EIF4E3: variants seen among roughly 807,000 people sequenced by gnomAD.
The protein encoded by EIF4E3 is eukaryotic translation initiation factor 4E type 3.
Under a neutral mutation model 31.7 loss-of-function variants are expected in EIF4E3, and 26 were observed. That is an observed-to-expected ratio of 0.82 (90% CI 0.60 to 1.14). The LOEUF (loss-of-function observed/expected upper bound fraction) is 1.14, where lower values mean the gene tolerates loss of function less well. Ranked by LOEUF, EIF4E3 falls within the 50% of genes most tolerant of loss-of-function variation. The pLI is 0.00. For missense variants in EIF4E3, 304 were observed against 270.9 expected, an observed-to-expected ratio of 1.12 and a Z score of -0.86; for synonymous variants, 128 against 107.7, an observed-to-expected ratio of 1.19 and a Z score of -1.17.
chr3:71,698,690 T>A (rs1295386667), intron 3 of EIF4E3, among the ~76,000 whole-genome samples: 1 of 152,198 alleles, frequency 6.6e-6, no homozygotes, highest in African/African-American at 2.4e-5. Flanking sequence ...ACCTGGGATT[T>A]TATCTGGGCT....
chr3:71,695,752 G>A (rs2049127436), intron 4 of EIF4E3, among the ~76,000 whole-genome samples: 1 of 152,176 alleles, frequency 6.6e-6, no homozygotes. Flanking sequence ...AAGAAACCAT[G>A]AAAAGGTAAA....
Position 71,684,456 on chromosome 3 carries a change from T to G in EIF4E3, c.*226A>C, listed in dbSNP as rs997475433. 1 of 391,818 alleles carries G rather than the reference T, an allele frequency of 2.6e-6. No individual in the cohort carries two copies. 24.3% of individuals were successfully genotyped at this position (391,818 alleles called of 1,614,324 possible). On this transcript the variant is annotated 3_prime_UTR_variant, in exon 7 of 7. Transcript: ENST00000425534. ...TTTAGAAAGCCAAAAAAAAAGTTTT[T>G]TGTGTGTGTTTTTTTTAAAAAGCAA... is the stretch of plus-strand genomic sequence containing the variant.
chr3:71,714,508 C>CT (rs2049436194), intron 1 of EIF4E3, among the ~76,000 whole-genome samples: 1 of 152,112 alleles, frequency 6.6e-6, no homozygotes, highest in Non-Finnish European at 1.5e-5. Flanking sequence ...GTCGGAAGTA[C>CT]TGATGGTAGT....
At chr3:71,701,457 A>G (rs1028862191) in intron 2 of EIF4E3, among the ~76,000 whole-genome samples, 4 of 152,170 alleles carry the variant, frequency 2.6e-5, no homozygotes, top group Non-Finnish European at 4.4e-5. Context: ...AGAAGAAAAC[A>G]CTTCCCCATT....
At position 71,686,250 on chromosome 3, in the gene EIF4E3, A is replaced by G. The variant is rs372701588; in HGVS notation, c.629-1522T>C. 1.1e-4 allele frequency among the ~76,000 whole-genome samples: 16 copies of G among 152,202 alleles called. No individual in the cohort carries two copies. In the South Asian group the frequency reaches 2.9e-3, roughly 28 times the overall value. ...AGCGATCCACCGGCCTCAGACTCCC[A>G]AAGTGCTGGGATTACAGGCATGAAC... On this transcript the variant is annotated intron_variant, in intron 6 of 6. Transcript: ENST00000425534.
intron 1 of EIF4E3, among the ~76,000 whole-genome samples, chr3:71,750,336 T>C (rs938088801): frequency 6.6e-6 from 1 of 152,138 alleles, no homozygotes; most frequent in Non-Finnish European, 1.5e-5. Context: ...ATGTGCTCAT[T>C]AGAATAAAAA....
the EIF4E3 span, among the ~76,000 whole-genome samples, chr3:71,669,771 G>A: frequency 6.6e-6 from 1 of 151,842 alleles, no homozygotes; most frequent in East Asian, 1.9e-4. Context: ...GTCTCCACAT[G>A]GGCAGAGAGA....
intron 1 of EIF4E3, among the ~76,000 whole-genome samples, chr3:71,738,060 G>A (rs1385085534): frequency 1.3e-5 from 2 of 152,162 alleles, no homozygotes; most frequent in African/African-American, 2.4e-5. Context: ...CCAAAAAGTG[G>A]AATACCAGTT....
intron 1 of EIF4E3, among the ~76,000 whole-genome samples, chr3:71,737,331 G>A (rs1458756715): frequency 6.6e-6 from 1 of 152,166 alleles, no homozygotes; most frequent in African/African-American, 2.4e-5. Flanking sequence ...AGAGCACTGT[G>A]GCAGAAGGTG....
At chr3:71,735,478 C>G (rs1324877192) in intron 1 of EIF4E3, among the ~76,000 whole-genome samples, 1 of 152,124 alleles carries the variant, frequency 6.6e-6, no homozygotes, top group South Asian at 2.1e-4. Context: ...ACAGAATGAT[C>G]CAGGCCAGAG....
At chr3:71,691,666 G>GT (rs1232297721) in intron 5 of EIF4E3, among the ~76,000 whole-genome samples, 2 of 152,102 alleles carry the variant, frequency 1.3e-5, no homozygotes, top group Non-Finnish European at 2.9e-5. Context: ...TTATCAAACT[G>GT]TACACATACG....
chr3:71,718,777 T>C (rs1405645273), intron 1 of EIF4E3, among the ~76,000 whole-genome samples: 1 of 152,180 alleles, frequency 6.6e-6, no homozygotes, highest in East Asian at 1.9e-4. Flanking sequence ...TGACCTGAGG[T>C]AGAAAGGCTG....
At chr3:71,664,465 T>C in the EIF4E3 span, among the ~76,000 whole-genome samples, 1 of 152,052 alleles carries the variant, frequency 6.6e-6, no homozygotes, top group African/African-American at 2.4e-5. Flanking sequence ...CACTTAAGCC[T>C]GGCCTGGCAC....
In EIF4E3 at chr3:71,682,002, T is replaced by C. The variant is rs1336021935; in HGVS notation, c.*2680A>G. 2 of 152,108 alleles carry C rather than the reference T, an allele frequency of 1.3e-5. No homozygotes were observed. The highest frequency in any genetic ancestry group is 4.8e-5 in the African/African-American group (2 of 41,408). 9.4% of individuals were successfully genotyped at this position (152,108 alleles called of 1,614,324 possible). ...CCCTCATTTAAGAAATGTGGAAAAG[T>C]TGGGGGGAAAGAGGAAATCTTAAAA... On this transcript the variant is annotated 3_prime_UTR_variant, in exon 7 of 7. Coordinates refer to ENST00000425534, the MANE Select transcript of EIF4E3 (RefSeq NM_001134651.2).
At chr3:71,739,337 G>A (rs1320581108) in intron 1 of EIF4E3, among the ~76,000 whole-genome samples, 2 of 151,944 alleles carry the variant, frequency 1.3e-5, no homozygotes, top group East Asian at 3.9e-4. Context: ...CAAAAAGAGA[G>A]AAATAGAGAT....
At chr3:71,664,911 G>A in the EIF4E3 span, among the ~76,000 whole-genome samples, 7 of 152,070 alleles carry the variant, frequency 4.6e-5, no homozygotes, top group African/African-American at 1.4e-4. Flanking sequence ...ACTCGAAGAC[G>A]TATGTCTACA....
intron 1 of EIF4E3, among the ~76,000 whole-genome samples, chr3:71,718,240 A>G (rs1216484437): frequency 6.6e-6 from 1 of 152,234 alleles, no homozygotes; most frequent in Non-Finnish European, 1.5e-5. Flanking sequence ...AGATGATTTC[A>G]TTTTAATCAC....
Position 71,677,876 on chromosome 3 carries a change from C to T in EIF4E3, c.*6806G>A, listed in dbSNP as rs1022193283. On this transcript the variant is annotated 3_prime_UTR_variant, in exon 7 of 7. Transcript: ENST00000425534. The stretch of plus-strand genomic sequence containing the variant: ...AGCAAATTGCAGCACAAAAGAGCAA[C>T]GAGAGTAATTGACTTATTCTAAAAC... The T allele has an allele frequency of 2.6e-5, 4 of 151,930 alleles. No homozygotes were observed. The highest frequency in any genetic ancestry group is 2.1e-4 in the South Asian group (1 of 4,814). 9.4% of individuals were successfully genotyped at this position (151,930 alleles called of 1,614,324 possible). A position where few individuals can be genotyped will look rare whatever the true frequency, so the allele number is the denominator to read the frequency against.
intron 1 of EIF4E3, chr3:71,753,430 C>G (rs1299539880): frequency 6.6e-6 from 1 of 152,408 alleles, no homozygotes; most frequent in Non-Finnish European, 1.5e-5. Context: ...CACCGTGACC[C>G]CAGCGCGGGC....
Sources: gnomAD v4.1 joint callset for allele counts (sites outside exome capture counted in the v4.1 genomes callset) on GRCh38, gnomAD v4.1.1 for gene constraint, MANE v1.5 for transcripts, NCBI Gene and HGNC (gene_info 2026-07-23, HGNC 2026-07-21) for gene names.